Variants in CDH23 observed in about 807,000 individuals in gnomAD.
CDH23 encodes cadherin related 23, also known as cadherin-23.
In CDH23, 189 loss-of-function variants were observed where a neutral mutation model predicts 317.1. The ratio of observed to expected loss-of-function variants is 0.60; its 90% confidence interval spans 0.53 to 0.67. The LOEUF (loss-of-function observed/expected upper bound fraction) is 0.67, where lower values mean the gene tolerates loss of function less well. Among genes scored for constraint, CDH23 ranks in the 30% least tolerant of loss-of-function variants. The pLI, the probability that CDH23 is intolerant of heterozygous loss-of-function variation, is 0.00. For missense variants in CDH23, 4,401 were observed against 4,592.4 expected, an observed-to-expected ratio of 0.96 and a Z score of 1.20; for synonymous variants, 1,839 against 1,876.8, an observed-to-expected ratio of 0.98 and a Z score of 0.52.
rs146674300 is a variant in CDH23 at position 71,632,814 on chromosome 10, TCACCTGCCTTCC to T, written c.1135-11043_1135-11032del. Among the ~76,000 whole-genome samples, 875 of 152,340 alleles carry T rather than the reference TCACCTGCCTTCC, an allele frequency of 5.7e-3. 7 individuals are homozygous for T. The highest frequency in any genetic ancestry group is 0.02 in the African/African-American group (818 of 41,576). Reference sequence around the variant, plus strand: ...TCCTCTCTCCCTGTCTCTCTGTCTCTCACCTGCCTTCCCACGTGTCTTAGTCCATTTTGTGTT... The same window carrying T: ...TCCTCTCTCCCTGTCTCTCTGTCTCTCACGTGTCTTAGTCCATTTTGTGTT... On this transcript the variant is annotated intron_variant, in intron 11 of 69. Transcript: ENST00000224721.
In CDH23 at chr10:71,724,104, T is replaced by C; in HGVS notation, c.3429T>C (p.His1143=). The stretch of plus-strand genomic sequence containing the variant: ...GGCGTGTGTGGTACCGCATCCTCCA[T>C]GGTAAGTGGGGCTGCCCTAGGATGG... The part of the protein sequence containing the change: ...EFGRVWYRIL[H]GNHGNNFRIH... Residue 1143 remains histidine, a splice_region_variant and synonymous_variant, in exon 29 of 70, where the codon CAT becomes CAC. Transcript: ENST00000224721. 1 of 1,557,072 alleles carries C rather than the reference T, an allele frequency of 6.4e-7. No individual in the cohort carries two copies. Among genetic ancestry groups the C allele is most frequent in the Non-Finnish European group, 8.7e-7 (1 of 1,149,936 alleles).
At chr10:71,773,276 G>T in intron 38 of CDH23, 2 of 1,460,548 alleles carry the variant, frequency 1.4e-6, no homozygotes, top group South Asian at 2.5e-5. Flanking sequence ...GGGCCCCCAG[G>T]ACGCCCCCAT....
intron 9 of CDH23, among the ~76,000 whole-genome samples, chr10:71,596,286 C>T (rs10762457): frequency 0.41 from 62,618 of 151,956 alleles, 13,416 homozygotes; most frequent in Admixed American, 0.48. Flanking sequence ...TATCAATATC[C>T]CCATTTCACA....
At chr10:71,457,354 C>T (rs1013875915) in intron 3 of CDH23, among the ~76,000 whole-genome samples, 1 of 152,186 alleles carries the variant, frequency 6.6e-6, no homozygotes, top group Non-Finnish European at 1.5e-5. Flanking sequence ...TGTTCTAGTA[C>T]GATCACCTTG....
At chr10:71,744,801 A>T (rs1839815860) in intron 38 of CDH23, among the ~76,000 whole-genome samples, 1 of 152,212 alleles carries the variant, frequency 6.6e-6, no homozygotes, top group Non-Finnish European at 1.5e-5. Flanking sequence ...TCTCCAGGGG[A>T]ATATATATGG....
intron 6 of CDH23, among the ~76,000 whole-genome samples, chr10:71,531,894 C>G (rs1345503464): frequency 6.6e-6 from 1 of 152,172 alleles, no homozygotes; most frequent in African/African-American, 2.4e-5. Context: ...ACAACAGTGT[C>G]AGTGATTCCA....
intron 9 of CDH23, among the ~76,000 whole-genome samples, chr10:71,580,186 A>G (rs180773879): frequency 1.3e-5 from 2 of 152,220 alleles, no homozygotes; most frequent in East Asian, 1.9e-4. Context: ...TCTCTACTCT[A>G]TCCTTCTGGG....
intron 34 of CDH23, 51 bp downstream of exon 34, chr10:71,734,709 G>A (rs894242797): frequency 1.4e-5 from 17 of 1,238,176 alleles, no homozygotes; most frequent in Non-Finnish European, 1.7e-5. Flanking sequence ...TGTGGCCAGT[G>A]CTGGCCGGGC....
chr10:71,420,524 G>T (rs1383011295), intron 1 of CDH23, among the ~76,000 whole-genome samples: 1 of 20,356 alleles, frequency 4.9e-5, no homozygotes, highest in Non-Finnish European at 1.3e-4. Flanking sequence ...GATGGTGAAG[G>T]TGATGATGAT....
chr10:71,807,142 T>C lies in CDH23; in HGVS notation c.8179-135T>C, dbSNP rs1170542723. The C allele has an allele frequency of 2.7e-5, 30 of 1,123,354 alleles. No individual in the cohort carries two copies. The East Asian group carries it at 7.8e-4, about 29-fold the overall frequency. 69.6% of individuals were successfully genotyped at this position (1,123,354 alleles called of 1,614,324 possible). On this transcript the variant is annotated intron_variant, in intron 57 of 69. Coordinates refer to ENST00000224721, the MANE Select transcript of CDH23 (RefSeq NM_022124.6). ...CTTTGCTCCCTTGAGGTTACAACGG[T>C]TCTACTCACCCCATAAGGCCTGGAC...
intron 6 of CDH23, among the ~76,000 whole-genome samples, chr10:71,527,468 T>A (rs544123488): frequency 5.9e-5 from 9 of 152,334 alleles, no homozygotes; most frequent in African/African-American, 2.2e-4. Flanking sequence ...GGGCCCTGTG[T>A]GTAGCCCTTC....
chr10:71,790,698 G>T (rs764606055), intron 46 of CDH23: 6 of 498,204 alleles, frequency 1.2e-5, no homozygotes, highest in Admixed American at 6.6e-5. Flanking sequence ...CTCCCCATGC[G>T]CAGGCCAGAG....
chr10:71,638,244 G>A (rs1366919662), intron 11 of CDH23, among the ~76,000 whole-genome samples: 1 of 152,278 alleles, frequency 6.6e-6, no homozygotes, highest in East Asian at 1.9e-4. Flanking sequence ...GTTCCTCAAC[G>A]TTGAACTGTG....
At chr10:71,735,125 T>C (rs1302832262) in intron 34 of CDH23, among the ~76,000 whole-genome samples, 2 of 152,240 alleles carry the variant, frequency 1.3e-5, no homozygotes, top group Admixed American at 6.5e-5. Context: ...GAAGCAGATG[T>C]GACTGCAGTG....
chr10:71,579,601 G>A (rs1310562896), intron 9 of CDH23, among the ~76,000 whole-genome samples: 1 of 152,156 alleles, frequency 6.6e-6, no homozygotes, highest in Non-Finnish European at 1.5e-5. Context: ...CCCAAGAATG[G>A]TCCTTTCTCA....
At chr10:71,690,961 T>C (rs914325072) in intron 20 of CDH23, among the ~76,000 whole-genome samples, 9 of 152,220 alleles carry the variant, frequency 5.9e-5, no homozygotes, top group East Asian at 1.9e-4. Context: ...CTTACACGGA[T>C]GTGTGCCTCA....
intron 9 of CDH23, among the ~76,000 whole-genome samples, chr10:71,611,468 T>G (rs531327529): frequency 6.6e-6 from 1 of 152,208 alleles, no homozygotes; most frequent in East Asian, 1.9e-4. Flanking sequence ...GCTGGGGTGG[T>G]GGGGAGAGAC....
intron 38 of CDH23, among the ~76,000 whole-genome samples, chr10:71,759,830 C>CAA (rs1346286858): frequency 3.5e-5 from 2 of 57,474 alleles, no homozygotes; most frequent in Non-Finnish European, 8.8e-5. Context: ...TACACACACA[C>CAA]ACACACACAC....
At chr10:71,550,962 G>A (rs1409375074) in intron 6 of CDH23, among the ~76,000 whole-genome samples, 1 of 152,168 alleles carries the variant, frequency 6.6e-6, no homozygotes, top group Non-Finnish European at 1.5e-5. Context: ...TAGCCAAAAG[G>A]CAAGGCTTCC....
Sources: allele counts gnomAD v4.1 joint callset (sites outside exome capture counted in the v4.1 genomes callset), GRCh38; gene constraint gnomAD v4.1.1; transcripts MANE v1.5; gene names NCBI Gene and HGNC (gene_info 2026-07-23, HGNC 2026-07-21).